The following HEATR1 variants were observed in gnomAD, a reference collection of about 807,000 sequenced individuals.
HEATR1 encodes the protein HEAT repeat containing 1.
Under a neutral mutation model 248.2 loss-of-function variants are expected in HEATR1, and 77 were observed. That is an observed-to-expected ratio of 0.31 (90% CI 0.26 to 0.37). HEATR1 has a LOEUF of 0.37. HEATR1 is among the 10% of genes least tolerant of loss of function. The pLI is 1.00. For synonymous variants in HEATR1, 897 were observed against 923.1 expected (o/e 0.97, Z 0.51); for missense variants, 2,420 against 2,504.9 (o/e 0.97, Z 0.72).
At chr1:236,587,351 A>T (rs917150997) in intron 14 of HEATR1, 51 bp downstream of exon 14, 1 of 855,924 alleles carries the variant, frequency 1.2e-6, no homozygotes, top group Non-Finnish European at 1.7e-6. Context: ...AAAGAACTTG[A>T]TATAAGAACT....
At position 236,603,976 on chromosome 1, in the gene HEATR1, G is replaced by A; in HGVS notation, c.120C>T (p.Asp40=). Reference sequence around the variant, plus strand: ...CACCAATGGCGAAGGCGGTGTCCCTGTCGATTGTGGCCGCTTCCTTAGGGT... The same window carrying A: ...CACCAATGGCGAAGGCGGTGTCCCTATCGATTGTGGCCGCTTCCTTAGGGT... ...LFDPKEAATI[D]RDTAFAIGCT... is the part of the protein sequence containing the mutation. Residue 40 remains aspartate (D), a synonymous_variant, in exon 2 of 45, where the codon GAC becomes GAT. Transcript: ENST00000366582. 3 of 1,597,448 alleles carry A rather than the reference G, an allele frequency of 1.9e-6. No individual in the cohort carries two copies. The South Asian group carries it at 3.4e-5, about 18-fold the overall frequency.
intron 10 of HEATR1, 133 bp downstream of exon 10, chr1:236,592,386 ACTCG>A: frequency 3.3e-6 from 2 of 608,244 alleles, no homozygotes; most frequent in East Asian, 2.9e-5. Flanking sequence ...TGATTCCGAT[ACTCG>A]CCCCTTCTTG....
chr1:236,565,974 T>C lies in HEATR1; in HGVS notation c.4380A>G (p.Ile1460Met). 2 of 1,613,984 alleles carry C rather than the reference T, an allele frequency of 1.2e-6. No homozygotes were observed. Among genetic ancestry groups the C allele is most frequent in the Non-Finnish European group, 1.7e-6 (2 of 1,179,870 alleles). ...VCCEFSVQHQ[I>M]QSLMNILQYL... ...ACTGGAGGATATTCATCAAGCTTTG[T>C]ATCTGATGCTGGACACTAAACTCAC... The change falls in exon 31 of 45, where the codon ATA (isoleucine) becomes ATG (methionine). Residue 1460 changes from isoleucine (I) to methionine (M), a missense_variant. Transcript: ENST00000366582.
At position 236,561,592 on chromosome 1, in the gene HEATR1, G is replaced by A. The variant is rs530776412; in HGVS notation, c.4600-321C>T. 2.0e-5 allele frequency among the ~76,000 whole-genome samples: 3 copies of A among 152,334 alleles called. No homozygotes were observed. The South Asian group carries it at 6.2e-4, about 32-fold the overall frequency. ...GAGCTCACATATCCTTTGTTGAGAAGTTAAACATTACAGATTCAGCTGGAA... is the reference window on the plus strand; with the variant it reads ...GAGCTCACATATCCTTTGTTGAGAAATTAAACATTACAGATTCAGCTGGAA... On this transcript the variant is annotated intron_variant, in intron 32 of 44. Coordinates refer to ENST00000366582, the MANE Select transcript of HEATR1 (RefSeq NM_018072.6).
At chr1:236,586,010 A>T in intron 15 of HEATR1, 69 bp from the exon 16 acceptor site, 1 of 1,556,662 alleles carries the variant, frequency 6.4e-7, no homozygotes. Context: ...TGAAGAATTC[A>T]GGCAAACATT....
chr1:236,551,933 AT>A, intron 44 of HEATR1, 65 bp downstream of exon 44: 2 of 1,100,142 alleles, frequency 1.8e-6, no homozygotes, highest in South Asian at 1.3e-5. Context: ...CATTGGGCAC[AT>A]TTTCACAGAA....
At chr1:236,557,494 A>T in intron 36 of HEATR1, 149 bp from the exon 37 acceptor site, 1 of 748,992 alleles carries the variant, frequency 1.3e-6, no homozygotes, top group Non-Finnish European at 2.2e-6. Context: ...TATACATTTT[A>T]TGTGGCTAAG....
chr1:236,603,375 T>C lies in HEATR1; in HGVS notation c.144A>G (p.Gly48=), dbSNP rs1213253821. The C allele has an allele frequency of 6.2e-7, 1 of 1,612,702 alleles. No individual in the cohort carries two copies. The highest frequency in any genetic ancestry group is 1.3e-5 in the African/African-American group (1 of 75,042). ...CAAGCAACTCTTCCAGGCCAGTACA[T>C]CCTAAATTTCAAAAAAGGCCAGTTT... is the stretch of plus-strand genomic sequence containing the variant. ...TIDRDTAFAI[G]CTGLEELLGI... Residue 48 remains glycine, a splice_region_variant and synonymous_variant, in exon 3 of 45, where the codon GGA becomes GGG. Transcript: ENST00000366582.
rs987032753 is a variant in HEATR1, at chr1:236,559,720, T to A, written c.4764A>T (p.Leu1588Phe). 1 of 1,609,836 alleles carries A rather than the reference T, an allele frequency of 6.2e-7. No homozygotes were observed. The highest frequency in any genetic ancestry group is 8.5e-7 in the Non-Finnish European group (1 of 1,177,508). ...GGGAGAAATGAACACCTACCTTATC[T>A]AACAGGTCGTAAGCTTTACTAAGGA... ...RALLSKAYDLLDKVNALLPTE... is the reference protein window; with the variant it reads ...RALLSKAYDLFDKVNALLPTE... Residue 1588 changes from leucine to phenylalanine, a missense_variant, in exon 34 of 45, where the codon TTA becomes TTT. Transcript: ENST00000366582.
Position 236,581,334 on chromosome 1 carries a change from T to G in HEATR1, c.2643A>C (p.Leu881=). ...GCAGCACTGTTTTCACACTGCAGTT[T>G]AGTGGATTTGAAAGGCTAGAACCAT... The part of the protein sequence containing the change: ...WTYGSSLSNP[L]NCSVKTVLQT... Residue 881 remains leucine (L), a synonymous_variant, in exon 20 of 45, where the codon CTA becomes CTC. Transcript: ENST00000366582. 6.2e-7 allele frequency: 1 copy of G among 1,612,384 alleles called. No homozygotes were observed. Among genetic ancestry groups the G allele is most frequent in the Non-Finnish European group, 8.5e-7 (1 of 1,179,534 alleles).
intron 20 of HEATR1, among the ~76,000 whole-genome samples, chr1:236,580,088 G>C (rs752253179): frequency 1.3e-5 from 2 of 151,996 alleles, no homozygotes; most frequent in African/African-American, 2.4e-5. Context: ...ATTCTTCTCT[G>C]ATCTAATTCT....
chr1:236,581,828 C>T lies in HEATR1; in HGVS notation c.2563-414G>A, dbSNP rs143425887. On this transcript the variant is annotated intron_variant, in intron 19 of 44. Coordinates refer to ENST00000366582, the MANE Select transcript of HEATR1 (RefSeq NM_018072.6). Reference sequence around the variant, plus strand: ...GGATGAAATTTCCTGAGTAACTTCACGTGTGCTAAATAACCTCTCTGAACA... The same window carrying T: ...GGATGAAATTTCCTGAGTAACTTCATGTGTGCTAAATAACCTCTCTGAACA... Among the ~76,000 whole-genome samples the T allele has an allele frequency of 4.2e-3, 645 of 152,266 alleles. 6 individuals are homozygous for T. The highest frequency in any genetic ancestry group is 0.015 in the African/African-American group (606 of 41,554).
chr1:236,550,654 AAC>A lies in HEATR1; in HGVS notation c.*246_*247del. 2 of 423,708 alleles carry A rather than the reference AAC, an allele frequency of 4.7e-6. No individual in the cohort carries two copies. Among genetic ancestry groups the A allele is most frequent in the East Asian group, 7.4e-5 (2 of 27,112 alleles). 26.2% of individuals were successfully genotyped at this position (423,708 alleles called of 1,614,324 possible). On this transcript the variant is annotated 3_prime_UTR_variant, in exon 45 of 45. Transcript: ENST00000366582. ...GAAGAGAATAATAAATGTTTAAACAAACACAGCAGTCTGTATAAAAATACCGT... is the reference window on the plus strand; with the variant it reads ...GAAGAGAATAATAAATGTTTAAACAAACAGCAGTCTGTATAAAAATACCGT...
chr1:236,597,024 T>C (rs775190446), intron 5 of HEATR1, 48 bp from the exon 6 acceptor site: 4 of 1,575,636 alleles, frequency 2.5e-6, no homozygotes, highest in Admixed American at 1.8e-5. Flanking sequence ...GAAAGGGAGG[T>C]AGAAGGATTG....
chr1:236,565,651 A>G (rs1402832589), intron 31 of HEATR1, among the ~76,000 whole-genome samples: 1 of 152,226 alleles, frequency 6.6e-6, no homozygotes, highest in Non-Finnish European at 1.5e-5. Context: ...ATTTACTGTC[A>G]TTTGAACCTA....
rs974173778 is a variant in HEATR1 at position 236,571,239 on chromosome 1, G to A, written c.3948+112C>T. ...CAGGGCTGAGAGTCTCACCAGTGCT[G>A]GAAGATTCCAAAGCCTAATTGATTA... On this transcript the variant is annotated intron_variant, in intron 28 of 44. Transcript: ENST00000366582. 10 of 1,301,454 alleles carry A rather than the reference G, an allele frequency of 7.7e-6. No homozygotes were observed. The African/African-American group carries it at 9.0e-5, about 12-fold the overall frequency. The allele number at this position is 1,301,454 out of a possible 1,614,324, so 80.6% of individuals were successfully genotyped here.
intron 13 of HEATR1, 28 bp downstream of exon 13, chr1:236,587,920 T>C (rs1480848796): frequency 2.1e-5 from 32 of 1,503,398 alleles, no homozygotes; most frequent in Non-Finnish European, 2.8e-5. Context: ...CAAAATTGTA[T>C]ACCTCAACAA....
Position 236,564,668 on chromosome 1 carries a change from C to T in HEATR1, c.4436-7G>A. 1.2e-6 allele frequency: 2 copies of T among 1,607,662 alleles called. No homozygotes were observed. The highest frequency in any genetic ancestry group is 1.3e-5 in the African/African-American group (1 of 74,808). ...ACTGCTTTGGGAATGGTTTCTGAAA[C>T]AGCAATAAAACAAGTGACCTTACTC... On this transcript the variant is annotated splice_region_variant and splice_polypyrimidine_tract_variant and intron_variant, in intron 31 of 44. Coordinates refer to ENST00000366582, the MANE Select transcript of HEATR1 (RefSeq NM_018072.6).
At chr1:236,564,992 TA>T (rs1313761619) in intron 31 of HEATR1, among the ~76,000 whole-genome samples, 4 of 150,412 alleles carry the variant, frequency 2.7e-5, no homozygotes, top group Non-Finnish European at 5.9e-5. Flanking sequence ...TCAATGTGTC[TA>T]ATGTAAATGG....
Sources: allele counts gnomAD v4.1 joint callset (sites outside exome capture counted in the v4.1 genomes callset), GRCh38; gene constraint gnomAD v4.1.1; transcripts MANE v1.5; gene names NCBI Gene and HGNC (gene_info 2026-07-23, HGNC 2026-07-21).